The following COMMD10 variants were observed in gnomAD, a reference collection of about 807,000 sequenced individuals.
COMMD10 encodes the protein COMM domain-containing protein 10.
COMMD10 carries 33 observed loss-of-function variants against 28.9 expected under a neutral mutation model. The observed-to-expected ratio is 1.14, with a 90% confidence interval of 0.87 to 1.53. COMMD10 has a LOEUF of 1.53. Among genes scored for constraint, COMMD10 ranks in the 40% most tolerant of loss-of-function variants. The probability of loss-of-function intolerance (pLI) is 0.00; values close to 1 mark genes in which losing one functional copy is unlikely to be tolerated. For synonymous variants in COMMD10, 110 were observed against 81.7 expected (o/e 1.35, Z -1.87); for missense variants, 310 against 233.4 (o/e 1.33, Z -2.14).
chr5:116,086,310 G>T (rs944043762), intron 1 of COMMD10, among the ~76,000 whole-genome samples: 1 of 152,138 alleles, frequency 6.6e-6, no homozygotes, highest in African/African-American at 2.4e-5. Flanking sequence ...GTGTCTTGGG[G>T]AACACCGCTA....
At chr5:116,176,701 A>T (rs1753524760) in intron 5 of COMMD10, among the ~76,000 whole-genome samples, 1 of 152,078 alleles carries the variant, frequency 6.6e-6, no homozygotes, top group Non-Finnish European at 1.5e-5. Flanking sequence ...TCATTTAATT[A>T]TTATTTTTAA....
At chr5:116,257,510 G>A (rs1580590081) in intron 5 of COMMD10, among the ~76,000 whole-genome samples, 1 of 151,662 alleles carries the variant, frequency 6.6e-6, no homozygotes, top group East Asian at 1.9e-4. Context: ...AAAACAATAA[G>A]ACAAAACAGC....
At chr5:116,201,662 G>A (rs1212647132) in intron 5 of COMMD10, among the ~76,000 whole-genome samples, 1 of 151,974 alleles carries the variant, frequency 6.6e-6, no homozygotes, top group Non-Finnish European at 1.5e-5. Context: ...TGACTTCCAA[G>A]CTTCTTACAT....
At chr5:116,135,166 CAAAAT>C (rs1161467851) in intron 5 of COMMD10, among the ~76,000 whole-genome samples, 1 of 151,774 alleles carries the variant, frequency 6.6e-6, no homozygotes, top group Non-Finnish European at 1.5e-5. Flanking sequence ...CATCTTAAGA[CAAAAT>C]AGAATTGAGA....
At chr5:116,136,618 G>T (rs189107717) in intron 5 of COMMD10, among the ~76,000 whole-genome samples, 1 of 152,244 alleles carries the variant, frequency 6.6e-6, no homozygotes. Flanking sequence ...AAAGAGTAAT[G>T]CTTCTAGTAA....
chr5:116,190,710 C>T (rs750517789), intron 5 of COMMD10, among the ~76,000 whole-genome samples: 3 of 152,140 alleles, frequency 2.0e-5, no homozygotes, highest in Admixed American at 6.5e-5. Context: ...AACTTTTGTA[C>T]CTAAAATATT....
rs2112710024 is a variant in COMMD10 at position 116,091,131 on chromosome 5, C to G, written c.185C>G (p.Ser62Cys). 1 of 1,612,032 alleles carries G rather than the reference C, an allele frequency of 6.2e-7. No homozygotes were observed. The highest frequency in any genetic ancestry group is 2.2e-5 in the East Asian group (1 of 44,728). ...GAAGAAAAACTTCAAGCGGCATTTT[C>G]TCTAGAGAAACAAGATCTTCACCTA... Reference protein sequence around the residue: ...EEEEKLQAAFSLEKQDLHLVL... With the variant: ...EEEEKLQAAFCLEKQDLHLVL... The change falls in exon 3 of 7, where the codon TCT becomes TGT. Residue 62 changes from serine to cysteine, a missense_variant. Ser to Cys is a moderately radical substitution (Grantham distance 112). Transcript: ENST00000274458.
chr5:116,104,974 C>T (rs1031119884), intron 4 of COMMD10, among the ~76,000 whole-genome samples: 8 of 152,190 alleles, frequency 5.3e-5, no homozygotes, highest in African/African-American at 1.9e-4. Context: ...ATTGCCGTGG[C>T]TAGAACTTCC....
In COMMD10 at chr5:116,210,586, T is replaced by G. The variant is rs145070955; in HGVS notation, c.510+76408T>G. Among the ~76,000 whole-genome samples the G allele has an allele frequency of 2.6e-3, 391 of 152,228 alleles. 1 individual carries two copies. Among genetic ancestry groups the G allele is most frequent in the Non-Finnish European group, 4.4e-3 (301 of 67,984 alleles). On this transcript the variant is annotated intron_variant, in intron 5 of 6. Transcript: ENST00000274458. ...TACAAACTTACTATTAGACATTGTT[T>G]ATCTAGTCAGCATTTATGAATAGTC...
At chr5:116,173,445 T>C (rs1359032998) in intron 5 of COMMD10, among the ~76,000 whole-genome samples, 1 of 152,162 alleles carries the variant, frequency 6.6e-6, no homozygotes, top group African/African-American at 2.4e-5. Flanking sequence ...TATGTTATTT[T>C]GGTGAACTGG....
intron 5 of COMMD10, among the ~76,000 whole-genome samples, chr5:116,203,624 C>T (rs1466923685): frequency 6.6e-6 from 1 of 152,074 alleles, no homozygotes; most frequent in Non-Finnish European, 1.5e-5. Flanking sequence ...CCCAGAATTT[C>T]ATATCCAACC....
intron 5 of COMMD10, among the ~76,000 whole-genome samples, chr5:116,187,876 A>G (rs560319195): frequency 1.3e-5 from 2 of 152,144 alleles, no homozygotes; most frequent in Non-Finnish European, 2.9e-5. Flanking sequence ...TAGTTAAGTT[A>G]TAGCCATGTG....
intron 5 of COMMD10, among the ~76,000 whole-genome samples, chr5:116,206,220 G>T (rs1056305850): frequency 2.6e-5 from 4 of 152,080 alleles, no homozygotes; most frequent in Non-Finnish European, 5.9e-5. Flanking sequence ...TTAGGCCAGC[G>T]GAACTGTTTA....
intron 5 of COMMD10, among the ~76,000 whole-genome samples, chr5:116,276,730 T>C (rs1750927921): frequency 1.3e-5 from 2 of 151,674 alleles, no homozygotes; most frequent in Non-Finnish European, 2.9e-5. Flanking sequence ...ATCTCAAAAA[T>C]ATTATATTAA....
intron 4 of COMMD10, among the ~76,000 whole-genome samples, chr5:116,130,549 G>T (rs1436611864): frequency 1.3e-5 from 2 of 151,954 alleles, no homozygotes; most frequent in Admixed American, 6.6e-5. Context: ...TAGGGAGTGG[G>T]TAGTGAATGA....
intron 5 of COMMD10, among the ~76,000 whole-genome samples, chr5:116,260,670 C>G (rs539097518): frequency 4.0e-4 from 61 of 151,866 alleles, no homozygotes; most frequent in Non-Finnish European, 6.8e-4. Flanking sequence ...CTCATCTGTA[C>G]AAGAAAATTA....
In COMMD10 at chr5:116,087,563, G is replaced by T; in HGVS notation, c.108G>T (p.Arg36=). The T allele has an allele frequency of 6.2e-7, 1 of 1,611,104 alleles. No homozygotes were observed. Among genetic ancestry groups the T allele is most frequent in the Non-Finnish European group, 8.5e-7 (1 of 1,177,222 alleles). Residue 36 remains arginine, a synonymous_variant, in exon 2 of 7, where the codon CGG becomes CGT. Transcript: ENST00000274458. Reference sequence around the variant, plus strand: ...GAAGATTTCCACGGTTGCTCACTCGGATTCTTCAAAAACTTCACCTGAAGG... The same window carrying T: ...GAAGATTTCCACGGTTGCTCACTCGTATTCTTCAAAAACTTCACCTGAAGG... ...DTGRFPRLLT[R]ILQKLHLKAE... is the part of the protein sequence containing the mutation.
intron 5 of COMMD10, among the ~76,000 whole-genome samples, chr5:116,147,296 A>T (rs934853566): frequency 1.3e-5 from 2 of 151,862 alleles, no homozygotes; most frequent in African/African-American, 2.4e-5. Context: ...GAACAAAGGG[A>T]TAGAAATGGG....
Position 116,215,177 on chromosome 5 carries a change from T to A in COMMD10, c.511-76340T>A, listed in dbSNP as rs1013754281. Among the ~76,000 whole-genome samples the A allele has an allele frequency of 4.6e-5, 7 of 152,172 alleles. No homozygotes were observed. In the East Asian group the frequency reaches 1.3e-3, roughly 29 times the overall value. On this transcript the variant is annotated intron_variant, in intron 5 of 6. Transcript: ENST00000274458. The stretch of plus-strand genomic sequence containing the variant: ...CATTTTAAGGTATTAGCCTCATTTT[T>A]AAATAGTGTTTGAATCGGCAAATGG...
Sources: allele counts gnomAD v4.1 joint callset (sites outside exome capture counted in the v4.1 genomes callset), GRCh38; gene constraint gnomAD v4.1.1; transcripts MANE v1.5; gene names NCBI Gene and HGNC (gene_info 2026-07-23, HGNC 2026-07-21).